The following OTOF variants were observed in gnomAD, a reference collection of about 807,000 sequenced individuals.
OTOF encodes the protein fer-1-like family member 2.
Under a neutral mutation model 236.8 loss-of-function variants are expected in OTOF, and 218 were observed. The observed-to-expected ratio is 0.92, with a 90% CI of 0.82 to 1.03. The LOEUF (loss-of-function observed/expected upper bound fraction) is 1.03, where lower values mean the gene tolerates loss of function less well. Ranked by LOEUF, OTOF falls within the 50% of genes least tolerant of loss-of-function variation. The pLI is 0.00. For synonymous variants in OTOF, 1,041 were observed against 1,072.5 expected (o/e 0.97, Z 0.57); for missense variants, 2,590 against 2,694.4 (o/e 0.96, Z 0.86).
At chr2:26,468,209 C>G (rs1286184417) in intron 33 of OTOF, among the ~76,000 whole-genome samples, 199 bp downstream of exon 33, 1 of 152,204 alleles carries the variant, frequency 6.6e-6, no homozygotes, top group Non-Finnish European at 1.5e-5. Flanking sequence ...GGGTGCTGAA[C>G]TGGTCAGAGT....
At chr2:26,483,209 G>A (rs1241455082) in intron 13 of OTOF, among the ~76,000 whole-genome samples, 41 of 152,024 alleles carry the variant, frequency 2.7e-4, no homozygotes, top group Admixed American at 2.0e-3. Context: ...GGGTGCATGT[G>A]TGTGTGCGTG....
chr2:26,513,624 T>C (rs1666446263), intron 5 of OTOF, among the ~76,000 whole-genome samples: 1 of 152,218 alleles, frequency 6.6e-6, no homozygotes, highest in South Asian at 2.1e-4. Flanking sequence ...GGGATTTTCC[T>C]CTTGCTCATT....
rs748223435 is a variant in OTOF at position 26,476,947 on chromosome 2, T to C, written c.2620A>G (p.Ile874Val). 2 of 1,610,392 alleles carry C rather than the reference T, an allele frequency of 1.2e-6. No homozygotes were observed. The highest frequency in any genetic ancestry group is 1.7e-6 in the Non-Finnish European group (2 of 1,178,942). The change falls in exon 22 of 47, where the codon ATC becomes GTC. Residue 874 changes from isoleucine to valine, a missense_variant. Around this residue, in one of 2 missense-constraint regions of OTOF, gnomAD observed 1,379 missense variants for 1,341.6 expected, o/e 1.03. Coordinates refer to ENST00000272371, the MANE Select transcript of OTOF (RefSeq NM_194248.3). ...TCCTTGCCAGTCTCCTCCTCCACGATGGAGAAGAGCAGGTCCTTGGAGGGC... is the reference window on the plus strand; with the variant it reads ...TCCTTGCCAGTCTCCTCCTCCACGACGGAGAAGAGCAGGTCCTTGGAGGGC... ...RVPSKDLLFS[I>V]VEEETGKDCA...
chr2:26,479,889 G>A (rs1665483015), intron 16 of OTOF, among the ~76,000 whole-genome samples: 1 of 152,276 alleles, frequency 6.6e-6, no homozygotes. Flanking sequence ...GCTGTGGCCT[G>A]AGTTCCCACT....
chr2:26,543,373 G>T (rs1259033913), intron 1 of OTOF, among the ~76,000 whole-genome samples: 1 of 152,198 alleles, frequency 6.6e-6, no homozygotes, highest in Non-Finnish European at 1.5e-5. Context: ...TTAGCCGGGG[G>T]TCATTATCCT....
In OTOF at chr2:26,462,539, A is replaced by C. The variant is rs13414356; in HGVS notation, c.5193-358T>G. Reference sequence around the variant, plus strand: ...GATTTTCCCCTCAAGGTTTAATTGTAATTATGAATGATGTAGTTCATTTCA... The same window carrying C: ...GATTTTCCCCTCAAGGTTTAATTGTCATTATGAATGATGTAGTTCATTTCA... On this transcript the variant is annotated intron_variant, in intron 41 of 46. Coordinates refer to ENST00000272371, the MANE Select transcript of OTOF (RefSeq NM_194248.3). This position sits in a 1 kb window ranked among gnomAD's most constrained non-coding sequence, Gnocchi z 4.7. Among the ~76,000 whole-genome samples, 8,160 of 152,290 alleles carry C rather than the reference A, an allele frequency of 0.054. 686 individuals are homozygous for C. The highest frequency in any genetic ancestry group is 0.18 in the African/African-American group (7,547 of 41,528).
chr2:26,459,882 A>C, intron 46 of OTOF, 126 bp downstream of exon 46: 1 of 925,298 alleles, frequency 1.1e-6, no homozygotes, highest in Non-Finnish European at 1.6e-6. Context: ...GTGTGCATAC[A>C]TGCTTGTGTG....
At position 26,458,169 on chromosome 2, in the gene OTOF, C is replaced by T. The variant is rs1664277084; in HGVS notation, c.*69G>A. 6.2e-7 allele frequency: 1 copy of T among 1,613,252 alleles called. No individual in the cohort carries two copies. The highest frequency in any genetic ancestry group is 8.5e-7 in the Non-Finnish European group (1 of 1,179,580). On this transcript the variant is annotated 3_prime_UTR_variant, in exon 47 of 47. Transcript: ENST00000272371. ...ACTTGTACCGGGTGCAGATGAGGTA[C>T]TTGATGGACTTGAGAGGGTTGAGGA...
At chr2:26,552,304 C>T (rs982433829) in intron 1 of OTOF, among the ~76,000 whole-genome samples, 10 of 152,074 alleles carry the variant, frequency 6.6e-5, no homozygotes, top group Admixed American at 5.9e-4. Flanking sequence ...GTGGGAGCAT[C>T]GCTTGAACCC....
rs565314504 is a variant in OTOF, at chr2:26,555,114, G to A, written c.79+3379C>T. ...TTCTGTGGCTCTGTGATTGATGTAGGGAACTATCTCAGGAGTTGATAAAGG... is the reference window on the plus strand; with the variant it reads ...TTCTGTGGCTCTGTGATTGATGTAGAGAACTATCTCAGGAGTTGATAAAGG... On this transcript the variant is annotated intron_variant, in intron 1 of 46. Transcript: ENST00000272371. Among the ~76,000 whole-genome samples, 5 of 152,294 alleles carry A rather than the reference G, an allele frequency of 3.3e-5. No homozygotes were observed. The East Asian group carries it at 9.6e-4, about 29-fold the overall frequency.
intron 11 of OTOF, among the ~76,000 whole-genome samples, chr2:26,487,714 TG>T (rs1313860539): frequency 1.3e-5 from 2 of 152,052 alleles, no homozygotes; most frequent in Non-Finnish European, 2.9e-5. Context: ...GGCCTGCCAG[TG>T]GTACCAGGGC....
chr2:26,520,208 G>A (rs946979275), intron 3 of OTOF, among the ~76,000 whole-genome samples: 3 of 152,184 alleles, frequency 2.0e-5, no homozygotes, highest in Non-Finnish European at 4.4e-5. Flanking sequence ...GGGGAGGGAA[G>A]CATCCAGGGC....
At chr2:26,548,132 C>T (rs533119593) in intron 1 of OTOF, among the ~76,000 whole-genome samples, 1 of 151,874 alleles carries the variant, frequency 6.6e-6, no homozygotes, top group Non-Finnish European at 1.5e-5. Context: ...TCTTTTATTC[C>T]TGATATTGGT....
intron 3 of OTOF, among the ~76,000 whole-genome samples, chr2:26,522,730 TG>T (rs965408648): frequency 1.3e-5 from 2 of 152,214 alleles, no homozygotes; most frequent in African/African-American, 4.8e-5. Flanking sequence ...TCAGGAGGCC[TG>T]GGGTGAAGAC....
intron 3 of OTOF, among the ~76,000 whole-genome samples, chr2:26,522,542 A>G (rs1171602830): frequency 6.6e-6 from 1 of 152,194 alleles, no homozygotes; most frequent in East Asian, 1.9e-4. Context: ...TCCTGGCTGC[A>G]CACATAGTAG....
Position 26,479,606 on chromosome 2 carries a change from G to C in OTOF, c.1960C>G (p.Arg654Gly). The part of the protein sequence containing the change: ...VDGLSRPQRP[R>G]PRKEPGDEEE... ...TCATCCCCCGGCTCCTTCCGGGGCC[G>C]AGGCCGCTGGGGCCGGGACAGGCCA... Residue 654 changes from arginine (R) to glycine (G), a missense_variant, in exon 17 of 47, where the codon CGG becomes GGG. By Grantham distance (125) the Arg-to-Gly change is moderately radical. Transcript: ENST00000272371. The C allele has an allele frequency of 6.2e-7, 1 of 1,612,612 alleles. No individual in the cohort carries two copies. The highest frequency in any genetic ancestry group is 8.5e-7 in the Non-Finnish European group (1 of 1,179,782).
At chr2:26,503,695 G>T in intron 6 of OTOF, 77 bp downstream of exon 6, 1 of 1,330,236 alleles carries the variant, frequency 7.5e-7, no homozygotes, top group Non-Finnish European at 1.1e-6. Context: ...CCTTTTGGCA[G>T]CCGGGCAGGG....
In OTOF at chr2:26,495,136, A is replaced by C. The variant is rs1665950411; in HGVS notation, c.766-63T>G. 19 of 1,585,728 alleles carry C rather than the reference A, an allele frequency of 1.2e-5. No individual in the cohort carries two copies. In the South Asian group the frequency reaches 2.0e-4, roughly 17 times the overall value. On this transcript the variant is annotated intron_variant, in intron 8 of 46. Coordinates refer to ENST00000272371, the MANE Select transcript of OTOF (RefSeq NM_194248.3). ...CCTGAGCCTAGGAGCCTGGTCCCGC[A>C]GGGGTCCAGGGGCTGGGGCAGCAGG...
intron 2 of OTOF, among the ~76,000 whole-genome samples, chr2:26,531,244 T>C (rs576796563): frequency 1.6e-4 from 24 of 152,320 alleles, no homozygotes; most frequent in Middle Eastern, 3.4e-3. Flanking sequence ...TTTTTTGTTC[T>C]TCTGACAACA....
Sources: allele counts gnomAD v4.1 joint callset (sites outside exome capture counted in the v4.1 genomes callset), GRCh38; gene constraint gnomAD v4.1.1; regional missense constraint gnomAD v4.1.1; non-coding constraint Gnocchi (gnomAD v3.1); transcripts MANE v1.5; gene names NCBI Gene and HGNC (gene_info 2026-07-23, HGNC 2026-07-21).